The following PEA15 variants were observed in gnomAD, a reference collection of about 807,000 sequenced individuals.
PEA15 encodes astrocytic phosphoprotein PEA-15.
For synonymous variants in PEA15, 60 were observed against 61.8 expected (o/e 0.97, Z 0.13); for missense variants, 77 against 161.3 (o/e 0.48, Z 2.83).
chr1:160,209,504 C>A (rs1654758248), intron 1 of PEA15, among the ~76,000 whole-genome samples: 1 of 151,476 alleles, frequency 6.6e-6, no homozygotes, highest in South Asian at 2.1e-4. Flanking sequence ...AATCTGAACT[C>A]CTCCCGACAC....
Position 160,208,846 on chromosome 1 carries a change from T to G in PEA15, c.-2-2697T>G. On this transcript the variant is annotated intron_variant, in intron 1 of 3. Transcript: ENST00000360472. The surrounding 1 kb of genome is among the most constrained non-coding windows in gnomAD (Gnocchi z 4.1). ...CCTTTCTGTCCCTTCTTACTCACCA[T>G]TCCCTACACTCCTCCCATCTAGTGG... 1 of 588,754 alleles carries G rather than the reference T, an allele frequency of 1.7e-6. No individual in the cohort carries two copies. Among genetic ancestry groups the G allele is most frequent in the Admixed American group, 2.8e-5 (1 of 35,378 alleles). The allele number at this position is 588,754 out of a possible 1,614,324, so 36.5% of individuals were successfully genotyped here. A position where few individuals can be genotyped will look rare whatever the true frequency, so the allele number is the denominator to read the frequency against.
At chr1:160,211,195 G>C in intron 1 of PEA15, 1 of 663,012 alleles carries the variant, frequency 1.5e-6, no homozygotes, top group Non-Finnish European at 1.9e-6. Context: ...GACTTGGAGA[G>C]AGCGGGTGAG....
chr1:160,210,874 T>C (rs1462855813), intron 1 of PEA15, among the ~76,000 whole-genome samples: 1 of 151,924 alleles, frequency 6.6e-6, no homozygotes, highest in Non-Finnish European at 1.5e-5. Flanking sequence ...GTGGGGGTGG[T>C]CCATTGCTTC....
intron 1 of PEA15, among the ~76,000 whole-genome samples, chr1:160,209,779 C>T (rs1654790061): frequency 6.6e-6 from 1 of 152,172 alleles, no homozygotes; most frequent in Non-Finnish European, 1.5e-5. Flanking sequence ...CCATCATCCC[C>T]CTCACCCGTA....
chr1:160,208,502 G>GCT lies in PEA15; in HGVS notation c.-3+2985_-3+2986dup, dbSNP rs1557820927. 4 of 1,067,046 alleles carry GCT rather than the reference G, an allele frequency of 3.7e-6. No homozygotes were observed. The highest frequency in any genetic ancestry group is 5.6e-6 in the Non-Finnish European group (4 of 713,546). The allele number at this position is 1,067,046 out of a possible 1,614,324, so 66.1% of individuals were successfully genotyped here. A position where few individuals can be genotyped will look rare whatever the true frequency, so the allele number is the denominator to read the frequency against. On this transcript the variant is annotated intron_variant, in intron 1 of 3. Transcript: ENST00000360472. The surrounding 1 kb of genome is among the most constrained non-coding windows in gnomAD (Gnocchi z 4.1). ...CAGACTGCCTGGTGATCCCTGAGCAGCTCTCTGCACTGCTCCAGAAATCAG... is the reference window on the plus strand; with the variant it reads ...CAGACTGCCTGGTGATCCCTGAGCAGCTCTCTCTGCACTGCTCCAGAAATCAG...
intron 1 of PEA15, 141 bp from the exon 2 acceptor site, chr1:160,211,402 A>G: frequency 7.5e-7 from 1 of 1,335,984 alleles, no homozygotes; most frequent in Non-Finnish European, 9.8e-7. Flanking sequence ...TTCTCCCTCC[A>G]GCCCTAGCCA....
In PEA15 at chr1:160,208,803, A is replaced by T; in HGVS notation, c.-2-2740A>T. 4.9e-5 allele frequency: 31 copies of T among 631,460 alleles called. No individual in the cohort carries two copies. The highest frequency in any genetic ancestry group is 6.7e-5 in the Non-Finnish European group (24 of 357,222). The allele number at this position is 631,460 out of a possible 1,614,324, so 39.1% of individuals were successfully genotyped here. A position where few individuals can be genotyped will look rare whatever the true frequency, so the allele number is the denominator to read the frequency against. On this transcript the variant is annotated intron_variant, in intron 1 of 3. Coordinates refer to ENST00000360472, the MANE Select transcript of PEA15 (RefSeq NM_003768.5). This position sits in a 1 kb window ranked among gnomAD's most constrained non-coding sequence, Gnocchi z 4.1. Reference sequence around the variant, plus strand: ...CTGGGCTGCCTTTCCTTGTACCGTCAGGGGGCCTTATTCCTATCCTTTCTG... The same window carrying T: ...CTGGGCTGCCTTTCCTTGTACCGTCTGGGGGCCTTATTCCTATCCTTTCTG...
Position 160,213,907 on chromosome 1 carries a change from G to A in PEA15, c.*421G>A. The A allele has an allele frequency of 5.2e-6, 1 of 191,348 alleles. No individual in the cohort carries two copies. 11.9% of individuals were successfully genotyped at this position (191,348 alleles called of 1,614,324 possible). The stretch of plus-strand genomic sequence containing the variant: ...GTATGGGAGAGGTAGGTGGATCCAG[G>A]GAAAAGCAGTGGGGACGGAAGGCAA... On this transcript the variant is annotated 3_prime_UTR_variant, in exon 4 of 4. Coordinates refer to ENST00000360472, the MANE Select transcript of PEA15 (RefSeq NM_003768.5). This position sits in a 1 kb window ranked among gnomAD's most constrained non-coding sequence, Gnocchi z 5.3.
intron 1 of PEA15, 35 bp from the exon 2 acceptor site, chr1:160,211,508 T>G (rs1654875247): frequency 6.3e-7 from 1 of 1,577,396 alleles, no homozygotes. Flanking sequence ...TACCTTAAGC[T>G]CAACTCCTAT....
chr1:160,211,568 G>T lies in PEA15; in HGVS notation c.24G>T (p.Leu8=). 6.2e-7 allele frequency: 1 copy of T among 1,613,456 alleles called. No individual in the cohort carries two copies. Among genetic ancestry groups the T allele is most frequent in the Middle Eastern group, 1.7e-4 (1 of 6,056 alleles). The change falls in exon 2 of 4, where the codon CTG becomes CTT. Residue 8 remains leucine (L), a synonymous_variant. Coordinates refer to ENST00000360472, the MANE Select transcript of PEA15 (RefSeq NM_003768.5). The part of the protein sequence containing the change: MAEYGTL[L]QDLTNNITLE... ...TCATGGCTGAGTACGGGACCCTCCT[G>T]CAAGACCTGACCAACAACATCACCC...
rs920157931 is a variant in PEA15, at chr1:160,213,819, T to TG, written c.*333_*334insG. 7.5e-5 allele frequency: 22 copies of TG among 295,182 alleles called. No homozygotes were observed. Among genetic ancestry groups the TG allele is most frequent in the Non-Finnish European group, 9.7e-5 (15 of 153,990 alleles). 18.3% of individuals were successfully genotyped at this position (295,182 alleles called of 1,614,324 possible). A position where few individuals can be genotyped will look rare whatever the true frequency, so the allele number is the denominator to read the frequency against. On this transcript the variant is annotated 3_prime_UTR_variant, in exon 4 of 4. Transcript: ENST00000360472. This position sits in a 1 kb window ranked among gnomAD's most constrained non-coding sequence, Gnocchi z 5.3. ...CCTTTCCTCCACTCCCCCCATATCT[T>TG]TAAAGTGTGGAAGCAGAAAGGACCT...
In PEA15 at chr1:160,208,780, G is replaced by A; in HGVS notation, c.-2-2763G>A. On this transcript the variant is annotated intron_variant, in intron 1 of 3. Transcript: ENST00000360472. The surrounding 1 kb of genome is among the most constrained non-coding windows in gnomAD (Gnocchi z 4.1). ...GATCTCTCCAAGAAGGGAGGCAACT[G>A]GGCTGCCTTTCCTTGTACCGTCAGG... 1.1e-6 allele frequency: 1 copy of A among 884,990 alleles called. No homozygotes were observed. The highest frequency in any genetic ancestry group is 1.8e-6 in the Non-Finnish European group (1 of 555,516). The allele number at this position is 884,990 out of a possible 1,614,324, so 54.8% of individuals were successfully genotyped here.
chr1:160,214,913 C>CTTA lies in PEA15; in HGVS notation c.*1427_*1428insTTA, dbSNP rs1655043071. On this transcript the variant is annotated 3_prime_UTR_variant, in exon 4 of 4. Transcript: ENST00000360472. ...GAAGGAAGAAGCCAGACTGGTTAGA[C>CTTA]AGTACTCTTAACTCCTAGCCCAGCC... 1 of 152,706 alleles carries CTTA rather than the reference C, an allele frequency of 6.5e-6. No individual in the cohort carries two copies. The highest frequency in any genetic ancestry group is 1.5e-5 in the Non-Finnish European group (1 of 68,116). 9.5% of individuals were successfully genotyped at this position (152,706 alleles called of 1,614,324 possible).
In PEA15 at chr1:160,213,456, C is replaced by G; in HGVS notation, c.363C>G (p.Ile121Met). The change falls in exon 4 of 4, where the codon ATC becomes ATG. Residue 121 changes from isoleucine (I) to methionine (M), a missense_variant. Physicochemically the swap from Ile to Met is conservative, Grantham distance 10 (BLOSUM62 1). Coordinates refer to ENST00000360472, the MANE Select transcript of PEA15 (RefSeq NM_003768.5). The surrounding 1 kb of genome is among the most constrained non-coding windows in gnomAD (Gnocchi z 5.3). Reference sequence around the variant, plus strand: ...GGCAGCCCTCTGAGGAAGAGATCATCAAATTGGCTCCCCCACCGAAGAAGG... The same window carrying G: ...GGCAGCCCTCTGAGGAAGAGATCATGAAATTGGCTCCCCCACCGAAGAAGG... Reference protein sequence around the residue: ...IIRQPSEEEIIKLAPPPKKA With the variant: ...IIRQPSEEEIMKLAPPPKKA 1 of 1,614,078 alleles carries G rather than the reference C, an allele frequency of 6.2e-7. No homozygotes were observed. Among genetic ancestry groups the G allele is most frequent in the Non-Finnish European group, 8.5e-7 (1 of 1,180,002 alleles).
chr1:160,213,450 G>C lies in PEA15; in HGVS notation c.357G>C (p.Glu119Asp). Residue 119 changes from glutamate to aspartate, a missense_variant, in exon 4 of 4, where the codon GAG becomes GAC. Coordinates refer to ENST00000360472, the MANE Select transcript of PEA15 (RefSeq NM_003768.5). The surrounding 1 kb of genome is among the most constrained non-coding windows in gnomAD (Gnocchi z 5.3). ...KDIIRQPSEE[E>D]IIKLAPPPKK... ...TTATCCGGCAGCCCTCTGAGGAAGAGATCATCAAATTGGCTCCCCCACCGA... is the reference window on the plus strand; with the variant it reads ...TTATCCGGCAGCCCTCTGAGGAAGACATCATCAAATTGGCTCCCCCACCGA... 6.2e-7 allele frequency: 1 copy of C among 1,614,102 alleles called. No individual in the cohort carries two copies. The highest frequency in any genetic ancestry group is 8.5e-7 in the Non-Finnish European group (1 of 1,180,014).
intron 2 of PEA15, 131 bp from the exon 3 acceptor site, chr1:160,212,979 T>C (rs1015666612): frequency 6.1e-6 from 5 of 821,282 alleles, no homozygotes; most frequent in Non-Finnish European, 1.0e-5. Flanking sequence ...GTAGCCCCTC[T>C]TCCTCCAGTG....
chr1:160,208,844 C>A lies in PEA15; in HGVS notation c.-2-2699C>A. 1.2e-5 allele frequency: 7 copies of A among 584,550 alleles called. No individual in the cohort carries two copies. The highest frequency in any genetic ancestry group is 1.9e-5 in the African/African-American group (1 of 53,610). The allele number at this position is 584,550 out of a possible 1,614,324, so 36.2% of individuals were successfully genotyped here. ...ATCCTTTCTGTCCCTTCTTACTCAC[C>A]ATTCCCTACACTCCTCCCATCTAGT... is the stretch of plus-strand genomic sequence containing the variant. On this transcript the variant is annotated intron_variant, in intron 1 of 3. Transcript: ENST00000360472. The surrounding 1 kb of genome is among the most constrained non-coding windows in gnomAD (Gnocchi z 4.1).
chr1:160,214,237 C>CA lies in PEA15; in HGVS notation c.*752dup, dbSNP rs1052775140. 3.9e-4 allele frequency: 59 copies of CA among 152,816 alleles called. 1 individual carries two copies. The highest frequency in any genetic ancestry group is 1.3e-3 in the African/African-American group (55 of 41,540). The allele number at this position is 152,816 out of a possible 1,614,324, so 9.5% of individuals were successfully genotyped here. A position where few individuals can be genotyped will look rare whatever the true frequency, so the allele number is the denominator to read the frequency against. On this transcript the variant is annotated 3_prime_UTR_variant, in exon 4 of 4. Transcript: ENST00000360472. ...CCTCTTCCACTCAGTTGTTCCTACT[C>CA]AGACTGTTGCACTCTAAACCTAGGG...
In PEA15 at chr1:160,213,124, A is replaced by G; in HGVS notation, c.187A>G (p.Ile63Val). 6.2e-7 allele frequency: 1 copy of G among 1,614,066 alleles called. No individual in the cohort carries two copies. The highest frequency in any genetic ancestry group is 8.5e-7 in the Non-Finnish European group (1 of 1,179,974). ...CCTTCCTCCAGACAACCTCTCCTAC[A>G]TTGAGCACATCTTTGAGATCTCCCG... Reference protein sequence around the residue: ...NKLDKDNLSYIEHIFEISRRP... With the variant: ...NKLDKDNLSYVEHIFEISRRP... Residue 63 changes from isoleucine to valine, a missense_variant, in exon 3 of 4, where the codon ATT becomes GTT. Transcript: ENST00000360472. This position sits in a 1 kb window ranked among gnomAD's most constrained non-coding sequence, Gnocchi z 5.3.
Sources: allele counts gnomAD v4.1 joint callset (sites outside exome capture counted in the v4.1 genomes callset), GRCh38; gene constraint gnomAD v4.1.1; non-coding constraint Gnocchi (gnomAD v3.1); transcripts MANE v1.5; gene names NCBI Gene and HGNC (gene_info 2026-07-23, HGNC 2026-07-21).